The following ZDHHC1 variants were observed in gnomAD, a reference collection of about 807,000 sequenced individuals.
ZDHHC1 encodes the protein zDHHC palmitoyltransferase 1, also known as palmitoyltransferase ZDHHC1.
Under a neutral mutation model 46.9 loss-of-function variants are expected in ZDHHC1, and 45 were observed. That is an observed-to-expected ratio of 0.96 (90% CI 0.76 to 1.23). The LOEUF is 1.23. Among genes scored for constraint, ZDHHC1 ranks in the 50% most tolerant of loss-of-function variants. The pLI is 0.00. For synonymous variants in ZDHHC1, 291 were observed against 286.0 expected (o/e 1.02, Z -0.18); for missense variants, 649 against 670.8 (o/e 0.97, Z 0.36).
At chr16:67,412,272 G>A (rs2040759644) in intron 1 of ZDHHC1, among the ~76,000 whole-genome samples, 1 of 152,002 alleles carries the variant, frequency 6.6e-6, no homozygotes, top group African/African-American at 2.4e-5. Flanking sequence ...TGCATTTCCT[G>A]GTACTCCTTC....
chr16:67,394,644 C>A lies in ZDHHC1; in HGVS notation c.1415G>T (p.Arg472Met). 8.2e-7 allele frequency: 1 copy of A among 1,214,968 alleles called. No individual in the cohort carries two copies. Among genetic ancestry groups the A allele is most frequent in the South Asian group, 3.5e-5 (1 of 28,846 alleles). 75.3% of individuals were successfully genotyped at this position (1,214,968 alleles called of 1,614,324 possible). ...VFVSPSSGEP[R>M]APGGREAGLA The stretch of plus-strand genomic sequence containing the variant: ...ACCAGCCTCCCGGCCGCCCGGCGCC[C>A]TGGGCTCGCCGCTGCTCGGGCTCAC... The change falls in exon 12 of 12, where the codon AGG (arginine) becomes ATG (methionine). Residue 472 changes from arginine to methionine, a missense_variant. Arg to Met is a moderately conservative substitution (Grantham distance 91). Coordinates refer to ENST00000565726, the MANE Select transcript of ZDHHC1 (RefSeq NM_001323627.2).
chr16:67,395,706 G>GA, intron 8 of ZDHHC1, 140 bp from the exon 9 acceptor site: 1 of 829,314 alleles, frequency 1.2e-6, no homozygotes, highest in Non-Finnish European at 1.9e-6. Context: ...GCCATGCTGG[G>GA]AAAACCCCAT....
At chr16:67,403,762 G>A (rs899267785) in intron 3 of ZDHHC1, among the ~76,000 whole-genome samples, 3 of 152,096 alleles carry the variant, frequency 2.0e-5, no homozygotes, top group East Asian at 3.9e-4. Flanking sequence ...TTGCAGGCGT[G>A]TGCCACCATG....
At chr16:67,411,837 G>A (rs1162792917) in intron 1 of ZDHHC1, among the ~76,000 whole-genome samples, 1 of 152,222 alleles carries the variant, frequency 6.6e-6, no homozygotes, top group Admixed American at 6.5e-5. Flanking sequence ...AGGGGGCCGG[G>A]CGCGGTGGCT....
At chr16:67,396,234 G>T (rs940473099) in intron 8 of ZDHHC1, 1 of 152,460 alleles carries the variant, frequency 6.6e-6, no homozygotes, top group Admixed American at 6.5e-5. Flanking sequence ...AGGCCAGGGG[G>T]TTGCAGGAGT....
At chr16:67,396,845 G>T (rs560543570) in intron 8 of ZDHHC1, among the ~76,000 whole-genome samples, 3 of 152,216 alleles carry the variant, frequency 2.0e-5, no homozygotes, top group East Asian at 1.9e-4. Flanking sequence ...GGCTCCAGAG[G>T]GGGGAGCAGA....
chr16:67,403,434 C>T (rs981241780), intron 3 of ZDHHC1, among the ~76,000 whole-genome samples: 4 of 152,102 alleles, frequency 2.6e-5, no homozygotes, highest in African/African-American at 9.7e-5. Flanking sequence ...TGCTAGTTCT[C>T]GGCCTCTAAT....
chr16:67,413,343 T>C (rs541481337), intron 1 of ZDHHC1, among the ~76,000 whole-genome samples: 1 of 152,276 alleles, frequency 6.6e-6, no homozygotes, highest in South Asian at 2.1e-4. Context: ...AGATGCCCAG[T>C]TGAACTACCT....
chr16:67,401,049 G>C lies in ZDHHC1; in HGVS notation c.336C>G (p.Asp112Glu), dbSNP rs2040543711. The C allele has an allele frequency of 1.2e-6, 2 of 1,614,066 alleles. No homozygotes were observed. The highest frequency in any genetic ancestry group is 1.7e-6 in the Non-Finnish European group (2 of 1,180,048). Residue 112 changes from aspartate (D) to glutamate (E), a missense_variant, in exon 4 of 12, where the codon GAC (aspartate) becomes GAG (glutamate). Asp to Glu is a conservative substitution (Grantham distance 45, BLOSUM62 2). Transcript: ENST00000565726. The surrounding 1 kb of genome is among the most constrained non-coding windows in gnomAD (Gnocchi z 4.6). ...TGGGCAGGGGCCCCGCATAGCTCTT[G>C]TCCCGCACGTTGGCATCTGCTGGAT... ...SIDPADANVR[D>E]KSYAGPLPIF...
chr16:67,394,585 T>A lies in ZDHHC1; in HGVS notation c.*25A>T. On this transcript the variant is annotated 3_prime_UTR_variant, in exon 12 of 12. Coordinates refer to ENST00000565726, the MANE Select transcript of ZDHHC1 (RefSeq NM_001323627.2). ...AGAGAGTCAGGCCGGCCGCTCTAAC[T>A]CGGCCCTCCGGCCTCTCGGCCCAGC... The A allele has an allele frequency of 8.6e-7, 1 of 1,156,548 alleles. No homozygotes were observed. The highest frequency in any genetic ancestry group is 1.1e-6 in the Non-Finnish European group (1 of 940,216). The allele number at this position is 1,156,548 out of a possible 1,614,324, so 71.6% of individuals were successfully genotyped here.
chr16:67,414,594 C>T (rs567895810), intron 1 of ZDHHC1, among the ~76,000 whole-genome samples: 1 of 152,334 alleles, frequency 6.6e-6, no homozygotes, highest in African/African-American at 2.4e-5. Flanking sequence ...CTCATTCAAT[C>T]CTCATAGAGC....
chr16:67,394,486 G>T lies in ZDHHC1; in HGVS notation c.*124C>A. 1 of 827,944 alleles carries T rather than the reference G, an allele frequency of 1.2e-6. No individual in the cohort carries two copies. The highest frequency in any genetic ancestry group is 1.5e-6 in the Non-Finnish European group (1 of 653,918). 51.3% of individuals were successfully genotyped at this position (827,944 alleles called of 1,614,324 possible). A position where few individuals can be genotyped will look rare whatever the true frequency, so the allele number is the denominator to read the frequency against. On this transcript the variant is annotated 3_prime_UTR_variant, in exon 12 of 12. Transcript: ENST00000565726. ...TGGGGCGGGTATTGCTGAGTCGTGG[G>T]GGAGGGAGGCCGATCCCGCCGGCCG...
chr16:67,407,645 G>A (rs1368327659), intron 2 of ZDHHC1, 122 bp downstream of exon 2: 2 of 728,712 alleles, frequency 2.7e-6, no homozygotes, highest in Non-Finnish European at 5.2e-6. Context: ...CATTTGGGAC[G>A]CTTTGCAATC....
chr16:67,394,829 G>A lies in ZDHHC1; in HGVS notation c.1230C>T (p.His410=). ...STDSADASPV[H]AAGPAGAYHS... ...GGTAGGCGCCGGCAGGGCCAGCGGC[G>A]TGCACAGGGCTGGCGTCCGCGGAAT... The change falls in exon 12 of 12, where the codon CAC becomes CAT. Residue 410 remains histidine (H), a synonymous_variant. Transcript: ENST00000565726. 1.3e-6 allele frequency: 2 copies of A among 1,548,486 alleles called. No homozygotes were observed. Among genetic ancestry groups the A allele is most frequent in the Non-Finnish European group, 1.7e-6 (2 of 1,151,676 alleles).
intron 3 of ZDHHC1, among the ~76,000 whole-genome samples, chr16:67,402,956 GTTAA>G (rs1194213027): frequency 6.6e-6 from 1 of 152,174 alleles, no homozygotes; most frequent in African/African-American, 2.4e-5. Context: ...CAAATAATGA[GTTAA>G]TTACAATGAA....
rs2040832082 is a variant in ZDHHC1 at position 67,416,217 on chromosome 16, C to T, written c.-85G>A. 1 of 153,042 alleles carries T rather than the reference C, an allele frequency of 6.5e-6. No individual in the cohort carries two copies. Among genetic ancestry groups the T allele is most frequent in the African/African-American group, 2.4e-5 (1 of 41,410 alleles). 9.5% of individuals were successfully genotyped at this position (153,042 alleles called of 1,614,324 possible). A position where few individuals can be genotyped will look rare whatever the true frequency, so the allele number is the denominator to read the frequency against. On this transcript the variant is annotated 5_prime_UTR_variant, in exon 1 of 12. Transcript: ENST00000565726. ...CCAGATGGGCCCTGCCAAAGTCAGCCAGAGGTTCGGGCCCCACGCCTGGCC... is the reference window on the plus strand; with the variant it reads ...CCAGATGGGCCCTGCCAAAGTCAGCTAGAGGTTCGGGCCCCACGCCTGGCC...
At position 67,394,547 on chromosome 16, in the gene ZDHHC1, T is replaced by G; in HGVS notation, c.*63A>C. 8.9e-7 allele frequency: 1 copy of G among 1,118,418 alleles called. No homozygotes were observed. Among genetic ancestry groups the G allele is most frequent in the Non-Finnish European group, 1.1e-6 (1 of 915,600 alleles). 69.3% of individuals were successfully genotyped at this position (1,118,418 alleles called of 1,614,324 possible). A position where few individuals can be genotyped will look rare whatever the true frequency, so the allele number is the denominator to read the frequency against. On this transcript the variant is annotated 3_prime_UTR_variant, in exon 12 of 12. Transcript: ENST00000565726. ...TAAAGTGCACTCGGTGCGGCAAGGA[T>G]GGGGTGTTGCATAGAGAGTCAGGCC...
Position 67,399,348 on chromosome 16 carries a change from T to TCCTCACCGGTAGTTCCGCTCGCCCAC in ZDHHC1, c.511_530+6dup, listed in dbSNP as rs754314920. The TCCTCACCGGTAGTTCCGCTCGCCCAC allele has an allele frequency of 4.3e-6, 7 of 1,611,256 alleles. No homozygotes were observed. The highest frequency in any genetic ancestry group is 1.7e-5 in the Admixed American group (1 of 59,874). On this transcript the variant is annotated splice_region_variant and intron_variant, in intron 5 of 11. Transcript: ENST00000565726. Reference sequence around the variant, plus strand: ...CCCAGGCCCGCGTGCGGCCGGGCTGTCCTCACCGGTAGTTCCGCTCGCCCA... The same window carrying TCCTCACCGGTAGTTCCGCTCGCCCAC: ...CCCAGGCCCGCGTGCGGCCGGGCTGTCCTCACCGGTAGTTCCGCTCGCCCACCCTCACCGGTAGTTCCGCTCGCCCA...
Position 67,406,474 on chromosome 16 carries a change from A to G in ZDHHC1, c.10-32T>C. On this transcript the variant is annotated intron_variant, in intron 2 of 11. Coordinates refer to ENST00000565726, the MANE Select transcript of ZDHHC1 (RefSeq NM_001323627.2). This position sits in a 1 kb window ranked among gnomAD's most constrained non-coding sequence, Gnocchi z 4.1. ...AGGGAGAAACAGTAGAGAGAGCATT[A>G]GCCCAAGAAGCTGGGCTGGAGCCCA... 6.8e-7 allele frequency: 1 copy of G among 1,469,870 alleles called. No homozygotes were observed. Among genetic ancestry groups the G allele is most frequent in the South Asian group, 1.4e-5 (1 of 70,116 alleles). The allele number at this position is 1,469,870 out of a possible 1,614,324, so 91.1% of individuals were successfully genotyped here.
Sources: allele counts gnomAD v4.1 joint callset (sites outside exome capture counted in the v4.1 genomes callset), GRCh38; gene constraint gnomAD v4.1.1; non-coding constraint Gnocchi (gnomAD v3.1); transcripts MANE v1.5; gene names NCBI Gene and HGNC (gene_info 2026-07-23, HGNC 2026-07-21).